NCKAP5L: variants seen among roughly 807,000 people sequenced by gnomAD.
The protein encoded by NCKAP5L is nck-associated protein 5-like.
In NCKAP5L, 54 loss-of-function variants were observed where a neutral mutation model predicts 103.2. That is an observed-to-expected ratio of 0.52 (90% CI 0.42 to 0.66). NCKAP5L has a LOEUF of 0.66. Among genes scored for constraint, NCKAP5L ranks in the 30% least tolerant of loss-of-function variants. The probability of loss-of-function intolerance (pLI) is 0.00; values close to 1 mark genes in which losing one functional copy is unlikely to be tolerated. For synonymous variants in NCKAP5L, 762 were observed against 748.6 expected (o/e 1.02, Z -0.29); for missense variants, 1,733 against 1,750.6 (o/e 0.99, Z 0.18).
At chr12:49,818,665 C>T (rs902402764) in intron 1 of NCKAP5L, among the ~76,000 whole-genome samples, 6 of 152,048 alleles carry the variant, frequency 3.9e-5, no homozygotes, top group African/African-American at 1.4e-4. Context: ...CAGAGCCTGA[C>T]ATTTCTTAAA....
rs780231251 is a variant in NCKAP5L at position 49,792,345 on chromosome 12, CTG to C, written c.3792+99_3792+100del. On this transcript the variant is annotated intron_variant, in intron 12 of 12. Coordinates refer to ENST00000335999, the MANE Select transcript of NCKAP5L (RefSeq NM_001037806.4). This position sits in a 1 kb window ranked among gnomAD's most constrained non-coding sequence, Gnocchi z 4.5. The stretch of plus-strand genomic sequence containing the variant: ...CCTCCCAGAGGGTGCAGCACTGAGA[CTG>C]TGCGACACACAGGCCGTACCTTACT... The C allele has an allele frequency of 1.1e-5, 17 of 1,554,452 alleles. No individual in the cohort carries two copies. The Admixed American group carries it at 3.1e-4, about 28-fold the overall frequency.
chr12:49,798,270 A>G, intron 7 of NCKAP5L, 80 bp downstream of exon 7: 8 of 1,289,986 alleles, frequency 6.2e-6, no homozygotes, highest in Non-Finnish European at 8.8e-6. Context: ...CAAACGTCTG[A>G]GCACTGGGAA....
intron 7 of NCKAP5L, 85 bp downstream of exon 7, chr12:49,798,265 G>A (rs1055711439): frequency 1.9e-5 from 24 of 1,264,088 alleles, no homozygotes; most frequent in East Asian, 7.6e-5. Flanking sequence ...CTGGACAAAC[G>A]TCTGAGCACT....
intron 1 of NCKAP5L, among the ~76,000 whole-genome samples, chr12:49,808,466 G>A (rs748876365): frequency 8.5e-5 from 13 of 152,200 alleles, no homozygotes; most frequent in Non-Finnish European, 1.6e-4. Flanking sequence ...TGGTGGGGAG[G>A]AGCACGGGCC....
chr12:49,799,373 G>A (rs968742825), intron 6 of NCKAP5L, among the ~76,000 whole-genome samples: 1 of 150,408 alleles, frequency 6.6e-6, no homozygotes, highest in African/African-American at 2.5e-5. Context: ...GCAGTGGCAC[G>A]ACTGTAGCTC....
intron 3 of NCKAP5L, among the ~76,000 whole-genome samples, 184 bp downstream of exon 3, chr12:49,803,738 C>T (rs777873143): frequency 6.6e-6 from 1 of 152,158 alleles, no homozygotes; most frequent in Non-Finnish European, 1.5e-5. Context: ...CAGCTAAGAG[C>T]AAGGAAAGGG....
chr12:49,794,020 A>T, intron 8 of NCKAP5L, 124 bp from the exon 9 acceptor site: 1 of 909,894 alleles, frequency 1.1e-6, no homozygotes, highest in South Asian at 2.5e-5. Flanking sequence ...GGGGAAGGGG[A>T]CATGTCGCTA....
chr12:49,800,116 G>T (rs993521266), intron 6 of NCKAP5L, among the ~76,000 whole-genome samples: 1 of 152,166 alleles, frequency 6.6e-6, no homozygotes, highest in Non-Finnish European at 1.5e-5. Context: ...AATCGCTTGA[G>T]CCCGGGAGGC....
chr12:49,810,890 C>T (rs915821758), intron 1 of NCKAP5L, among the ~76,000 whole-genome samples: 14 of 152,128 alleles, frequency 9.2e-5, no homozygotes, highest in Admixed American at 2.0e-4. Context: ...AAGTTTTAAG[C>T]GTATAGAAGG....
rs775369833 is a variant in NCKAP5L, at chr12:49,796,375, G to A, written c.1485C>T (p.Gly495=). 1.3e-6 allele frequency: 2 copies of A among 1,577,568 alleles called. No homozygotes were observed. Among genetic ancestry groups the A allele is most frequent in the South Asian group, 1.2e-5 (1 of 85,240 alleles). ...RIPCRNSGSD[G]SPSPLLARRG... ...TTCGGGCCAACAGTGGGGAGGGGCTGCCGTCTGAGCCACTGTTCCGACAGG... is the reference window on the plus strand; with the variant it reads ...TTCGGGCCAACAGTGGGGAGGGGCTACCGTCTGAGCCACTGTTCCGACAGG... The change falls in exon 8 of 13, where the codon GGC becomes GGT. Residue 495 remains glycine, a synonymous_variant. Coordinates refer to ENST00000335999, the MANE Select transcript of NCKAP5L (RefSeq NM_001037806.4).
chr12:49,794,897 T>C lies in NCKAP5L; in HGVS notation c.2963A>G (p.Tyr988Cys). The C allele has an allele frequency of 6.6e-7, 1 of 1,521,944 alleles. No individual in the cohort carries two copies. The highest frequency in any genetic ancestry group is 1.4e-5 in the African/African-American group (1 of 71,900). 94.3% of individuals were successfully genotyped at this position (1,521,944 alleles called of 1,614,324 possible). ...LRRALEEEKA[Y>C]LSSRARPRPG... Reference sequence around the variant, plus strand: ...CCGTGGCCGGGCCCGGCTGCTTAGGTAGGCCTTCTCCTCTTCCAGTGCCCG... The same window carrying C: ...CCGTGGCCGGGCCCGGCTGCTTAGGCAGGCCTTCTCCTCTTCCAGTGCCCG... The change falls in exon 8 of 13, where the codon TAC becomes TGC. Residue 988 changes from tyrosine to cysteine, a missense_variant. Tyr to Cys is a radical substitution (Grantham distance 194, BLOSUM62 -2). Transcript: ENST00000335999.
intron 1 of NCKAP5L, among the ~76,000 whole-genome samples, chr12:49,814,652 T>G (rs191767403): frequency 2.6e-3 from 391 of 152,266 alleles, no homozygotes; most frequent in Non-Finnish European, 3.8e-3. Context: ...TATGTGTTAC[T>G]TTATGTATAA....
rs878879899 is a variant in NCKAP5L at position 49,794,607 on chromosome 12, C to CCCA, written c.3095+157_3095+158insTGG. Among the ~76,000 whole-genome samples, 62 of 117,748 alleles carry CCCA rather than the reference C, an allele frequency of 5.3e-4. 1 individual carries two copies. The South Asian group carries it at 0.018, about 34-fold the overall frequency. The allele number at this position is 117,748 out of a possible 152,430, so 77.2% of individuals were successfully genotyped here. A position where few individuals can be genotyped will look rare whatever the true frequency, so the allele number is the denominator to read the frequency against. ...CTTTCCTCCAGGCCAAGTCACTGAC[C>CCCA]CCCCCACCAGCTGCTTTGGTGGCCT... On this transcript the variant is annotated intron_variant, in intron 8 of 12. Coordinates refer to ENST00000335999, the MANE Select transcript of NCKAP5L (RefSeq NM_001037806.4).
At chr12:49,804,887 G>C (rs1255172810) in intron 2 of NCKAP5L, 1 of 152,272 alleles carries the variant, frequency 6.6e-6, no homozygotes, top group African/African-American at 2.4e-5. Flanking sequence ...CTCTAGCTCT[G>C]GCTCCAGTGC....
At chr12:49,802,092 G>T in intron 5 of NCKAP5L, 125 bp from the exon 6 acceptor site, 2 of 1,092,194 alleles carry the variant, frequency 1.8e-6, no homozygotes, top group Non-Finnish European at 2.6e-6. Flanking sequence ...ACACACTTCC[G>T]CTGCAACCTC....
rs1946069289 is a variant in NCKAP5L at position 49,797,351 on chromosome 12, G to C, written c.509C>G (p.Pro170Arg). ...QQLRPGGPGPPAAPPPALDAL... is the reference protein window; with the variant it reads ...QQLRPGGPGPRAAPPPALDAL... Reference sequence around the variant, plus strand: ...ATCCAGCGCTGGGGGTGGGGCGGCTGGGGGGCCTGGGCCTCCTGGCCTCAG... The same window carrying C: ...ATCCAGCGCTGGGGGTGGGGCGGCTCGGGGGCCTGGGCCTCCTGGCCTCAG... Residue 170 changes from proline to arginine, a missense_variant, in exon 8 of 13, where the codon CCA becomes CGA. Transcript: ENST00000335999. This position sits in a 1 kb window ranked among gnomAD's most constrained non-coding sequence, Gnocchi z 4.5. 6.2e-7 allele frequency: 1 copy of C among 1,610,488 alleles called. No individual in the cohort carries two copies.
rs1039541612 is a variant in NCKAP5L at position 49,820,377 on chromosome 12, C to T, written c.-99+7945G>A. 7.0e-5 allele frequency among the ~76,000 whole-genome samples: 10 copies of T among 142,606 alleles called. No homozygotes were observed. The East Asian group carries it at 1.3e-3, about 19-fold the overall frequency. The allele number at this position is 142,606 out of a possible 152,430, so 93.6% of individuals were successfully genotyped here. A position where few individuals can be genotyped will look rare whatever the true frequency, so the allele number is the denominator to read the frequency against. On this transcript the variant is annotated intron_variant, in intron 1 of 12. Coordinates refer to ENST00000335999, the MANE Select transcript of NCKAP5L (RefSeq NM_001037806.4). Reference sequence around the variant, plus strand: ...TGTCGCCCAGGCTGGAAGGCAGTGGCGCGATCTCGGCTCACTGCAACCTCC... The same window carrying T: ...TGTCGCCCAGGCTGGAAGGCAGTGGTGCGATCTCGGCTCACTGCAACCTCC...
At position 49,796,235 on chromosome 12, in the gene NCKAP5L, A is replaced by G. The variant is rs2137000227; in HGVS notation, c.1625T>C (p.Leu542Ser). Residue 542 changes from leucine to serine, a missense_variant, in exon 8 of 13, where the codon TTG becomes TCG. Coordinates refer to ENST00000335999, the MANE Select transcript of NCKAP5L (RefSeq NM_001037806.4). ...STQLRPPQSA[L>S]STTLSPGPVV... Reference sequence around the variant, plus strand: ...TGGGCCTGGGGACAGCGTGGTGGACAAGGCTGACTGCGGGGGTCTGAGCTG... The same window carrying G: ...TGGGCCTGGGGACAGCGTGGTGGACGAGGCTGACTGCGGGGGTCTGAGCTG... The G allele has an allele frequency of 1.9e-6, 3 of 1,579,004 alleles. No homozygotes were observed. The highest frequency in any genetic ancestry group is 1.7e-6 in the Non-Finnish European group (2 of 1,163,256).
Position 49,796,154 on chromosome 12 carries a change from C to T in NCKAP5L, c.1706G>A (p.Gly569Glu), listed in dbSNP as rs1289856640. The T allele has an allele frequency of 6.2e-7, 1 of 1,611,102 alleles. No homozygotes were observed. The highest frequency in any genetic ancestry group is 8.5e-7 in the Non-Finnish European group (1 of 1,178,942). Residue 569 changes from glycine (G) to glutamate (E), a missense_variant, in exon 8 of 13, where the codon GGG (glycine) becomes GAG (glutamate). Coordinates refer to ENST00000335999, the MANE Select transcript of NCKAP5L (RefSeq NM_001037806.4). ...ILDLSRSTFRGPSPEPPPSPL... is the reference protein window; with the variant it reads ...ILDLSRSTFREPSPEPPPSPL... ...GGATGGAGGTGGCTCTGGGGAAGGC[C>T]CCCTAAAGGTGCTCCGAGAAAGGTC...
Sources: allele counts gnomAD v4.1 joint callset (sites outside exome capture counted in the v4.1 genomes callset), GRCh38; gene constraint gnomAD v4.1.1; non-coding constraint Gnocchi (gnomAD v3.1); transcripts MANE v1.5; gene names NCBI Gene and HGNC (gene_info 2026-07-23, HGNC 2026-07-21).